GRIK2: variants seen among roughly 807,000 people sequenced by gnomAD.
The protein encoded by GRIK2 is glutamate receptor ionotropic, kainate 2.
A neutral mutation model predicts 100.3 loss-of-function variants in GRIK2; 32 were observed. The observed-to-expected ratio is 0.32, with a 90% CI of 0.24 to 0.43. The LOEUF is 0.43. Among genes scored for constraint, GRIK2 ranks in the 20% least tolerant of loss-of-function variants. GRIK2 has a pLI of 1.00. For missense variants in GRIK2, 843 were observed against 1,114.9 expected (o/e 0.76, Z 3.47); for synonymous variants, 417 against 389.4 (o/e 1.07, Z -0.83).
intron 2 of GRIK2, among the ~76,000 whole-genome samples, chr6:101,578,055 T>C (rs1424552646): frequency 6.6e-6 from 1 of 152,128 alleles, no homozygotes; most frequent in East Asian, 1.9e-4. Flanking sequence ...CGTTCTCCCT[T>C]AGAAAGGAAT....
At chr6:101,682,019 A>G (rs1381594678) in intron 5 of GRIK2, among the ~76,000 whole-genome samples, 1 of 152,216 alleles carries the variant, frequency 6.6e-6, no homozygotes, top group African/African-American at 2.4e-5. Context: ...TGACTAGTTT[A>G]TTAATAACAA....
At chr6:101,909,761 T>C (rs916522986) in intron 12 of GRIK2, among the ~76,000 whole-genome samples, 11 of 151,138 alleles carry the variant, frequency 7.3e-5, no homozygotes, top group African/African-American at 2.7e-4. Flanking sequence ...TACAGATATA[T>C]ATGCATTGTG....
intron 3 of GRIK2, among the ~76,000 whole-genome samples, chr6:101,624,416 C>T (rs2144707): frequency 0.13 from 20,012 of 151,904 alleles, 1,324 homozygotes; most frequent in Admixed American, 0.16. Context: ...AGTAAGAATC[C>T]ATGTATTTAA....
chr6:101,448,736 A>T (rs1480437245), intron 2 of GRIK2, among the ~76,000 whole-genome samples: 1 of 151,618 alleles, frequency 6.6e-6, no homozygotes, highest in Non-Finnish European at 1.5e-5. Context: ...AAAGGAACAG[A>T]CACACTGTGT....
chr6:101,724,246 A>G (rs1314042058), intron 7 of GRIK2, among the ~76,000 whole-genome samples: 1 of 151,784 alleles, frequency 6.6e-6, no homozygotes, highest in African/African-American at 2.4e-5. Context: ...GTTATATGGG[A>G]ATATTGTGTG....
intron 7 of GRIK2, among the ~76,000 whole-genome samples, chr6:101,736,615 T>C (rs1775650653): frequency 6.6e-6 from 1 of 151,928 alleles, no homozygotes; most frequent in Non-Finnish European, 1.5e-5. Flanking sequence ...GGGCACAATG[T>C]CCCTAGACTA....
At chr6:101,892,972 T>C (rs1787203341) in intron 12 of GRIK2, among the ~76,000 whole-genome samples, 1 of 151,416 alleles carries the variant, frequency 6.6e-6, no homozygotes, top group South Asian at 2.1e-4. Flanking sequence ...AATTAAAATA[T>C]ACTCTGACAT....
intron 2 of GRIK2, among the ~76,000 whole-genome samples, chr6:101,616,289 T>A (rs1225056579): frequency 6.6e-6 from 1 of 151,900 alleles, no homozygotes; most frequent in African/African-American, 2.4e-5. Context: ...TTTTGAAGAA[T>A]ATTCATTTTT....
At chr6:101,556,816 A>G (rs1003625859) in intron 2 of GRIK2, among the ~76,000 whole-genome samples, 2 of 152,180 alleles carry the variant, frequency 1.3e-5, no homozygotes, top group African/African-American at 4.8e-5. Context: ...TTTAATGCCA[A>G]ACCTCAGGCT....
At chr6:101,662,065 G>A (rs1582914114) in intron 4 of GRIK2, among the ~76,000 whole-genome samples, 1 of 152,322 alleles carries the variant, frequency 6.6e-6, no homozygotes, top group East Asian at 1.9e-4. Context: ...GGCCCAGGCA[G>A]TAATGTTCAT....
At chr6:101,510,992 A>C (rs910254204) in intron 2 of GRIK2, among the ~76,000 whole-genome samples, 1 of 152,156 alleles carries the variant, frequency 6.6e-6, no homozygotes, top group East Asian at 1.9e-4. Context: ...GCATGGGGAG[A>C]CTTTATCAAA....
At chr6:101,642,381 A>G (rs902707873) in intron 4 of GRIK2, among the ~76,000 whole-genome samples, 11 of 151,794 alleles carry the variant, frequency 7.2e-5, no homozygotes, top group African/African-American at 2.4e-4. Flanking sequence ...TGTATGCACT[A>G]AACAACCATT....
At chr6:101,401,861 A>G (rs1408726724) in intron 2 of GRIK2, among the ~76,000 whole-genome samples, 1 of 152,078 alleles carries the variant, frequency 6.6e-6, no homozygotes, top group African/African-American at 2.4e-5. Context: ...CAGCTGCCCC[A>G]GTGGTGGAGA....
chr6:101,452,009 T>G (rs2128249410), intron 2 of GRIK2, among the ~76,000 whole-genome samples: 1 of 151,928 alleles, frequency 6.6e-6, no homozygotes, highest in African/African-American at 2.4e-5. Context: ...GCTTTAAATA[T>G]TTGTATTAAC....
intron 16 of GRIK2, among the ~76,000 whole-genome samples, chr6:102,066,242 T>G (rs948643716): frequency 6.6e-6 from 1 of 151,606 alleles, no homozygotes; most frequent in East Asian, 1.9e-4. Flanking sequence ...ACCTGAAAAT[T>G]TTTTAAGCAA....
At chr6:101,755,235 C>T (rs1260830826) in intron 7 of GRIK2, among the ~76,000 whole-genome samples, 1 of 136,094 alleles carries the variant, frequency 7.3e-6, no homozygotes, top group Non-Finnish European at 1.5e-5. Flanking sequence ...GGCACGATCT[C>T]GACTCACTGC....
Position 102,028,893 on chromosome 6 carries a change from C to A in GRIK2, c.2086-6448C>A, listed in dbSNP as rs554772710. 1.4e-3 allele frequency among the ~76,000 whole-genome samples: 214 copies of A among 151,084 alleles called. 1 individual carries two copies. Among genetic ancestry groups the A allele is most frequent in the Non-Finnish European group, 2.2e-3 (146 of 67,408 alleles). On this transcript the variant is annotated intron_variant, in intron 14 of 16. Transcript: ENST00000369134. ...GGAAAGAAAAATATTTTAACTATTT[C>A]TTATCTTTTACTTGGCTACCCTCAA...
chr6:101,634,612 G>A (rs1400760356), intron 4 of GRIK2, among the ~76,000 whole-genome samples: 1 of 151,900 alleles, frequency 6.6e-6, no homozygotes, highest in Non-Finnish European at 1.5e-5. Flanking sequence ...ATAAAAATAG[G>A]GTGATAGTAC....
intron 7 of GRIK2, among the ~76,000 whole-genome samples, chr6:101,740,044 G>A (rs898273767): frequency 6.6e-6 from 1 of 152,170 alleles, no homozygotes; most frequent in Non-Finnish European, 1.5e-5. Flanking sequence ...TGCTCTCTGG[G>A]AATGATATGG....
Sources: gnomAD v4.1 joint callset for allele counts (sites outside exome capture counted in the v4.1 genomes callset) on GRCh38, gnomAD v4.1.1 for gene constraint, MANE v1.5 for transcripts, NCBI Gene and HGNC (gene_info 2026-07-23, HGNC 2026-07-21) for gene names.